ACY3: variants seen among roughly 807,000 people sequenced by gnomAD.
ACY3 encodes aminoacylase 3.
A neutral mutation model predicts 24.6 loss-of-function variants in ACY3; 20 were observed. The observed-to-expected ratio is 0.81, with a 90% CI of 0.57 to 1.18. ACY3 has a LOEUF of 1.18. ACY3 is among the 50% of genes most tolerant of loss of function. The pLI is 0.00. For synonymous variants in ACY3, 174 were observed against 188.4 expected, an observed-to-expected ratio of 0.92 and a Z score of 0.62; for missense variants, 423 against 426.8, an observed-to-expected ratio of 0.99 and a Z score of 0.08.
chr11:67,645,326 C>G lies in ACY3; in HGVS notation c.487G>C (p.Glu163Gln), dbSNP rs1232681803. 6.2e-7 allele frequency: 1 copy of G among 1,613,750 alleles called. No individual in the cohort carries two copies. Among genetic ancestry groups the G allele is most frequent in the Admixed American group, 1.7e-5 (1 of 60,018 alleles). ...GCCACAGAGTCCAGGTTGTAGCTCT[C>G]CTCCCCAGACCGCTGGTACAGGAAG... ...QVFLYQRSGEESYNLDSVAKN... is the reference protein window; with the variant it reads ...QVFLYQRSGEQSYNLDSVAKN... The change falls in exon 5 of 8, where the codon GAG (glutamate) becomes CAG (glutamine). Residue 163 changes from glutamate to glutamine, a missense_variant. Glu to Gln is a conservative substitution (Grantham distance 29). Transcript: ENST00000255082.
At chr11:67,650,346 A>AG (rs1272931640) in intron 1 of ACY3, among the ~76,000 whole-genome samples, 4 of 152,166 alleles carry the variant, frequency 2.6e-5, no homozygotes, top group African/African-American at 9.7e-5. Flanking sequence ...CCCAGCCCTC[A>AG]GCTCGGGGAG....
chr11:67,644,949 C>A (rs529057251), intron 6 of ACY3, 80 bp from the exon 7 acceptor site: 17 of 1,586,412 alleles, frequency 1.1e-5, no homozygotes, highest in Non-Finnish European at 1.5e-5. Flanking sequence ...TACGTCAGGG[C>A]TAGATCCCAG....
At chr11:67,649,499 G>A (rs1009642296) in intron 1 of ACY3, among the ~76,000 whole-genome samples, 35 of 152,232 alleles carry the variant, frequency 2.3e-4, no homozygotes, top group African/African-American at 8.0e-4. Flanking sequence ...GGAACCCTCA[G>A]AAACAGCAGC....
rs138913108 is a variant in ACY3 at position 67,645,106 on chromosome 11, A to T, written c.573T>A (p.Ile191=). 3.2e-5 allele frequency: 52 copies of T among 1,613,642 alleles called. No homozygotes were observed. The African/African-American group carries it at 6.5e-4, about 20-fold the overall frequency. ...CCACCAGGGTCCTCATCCTTGAGAA[A>T]ATGTCAGCCCGCAGCACACCCTGTG... ...PQPQGVLRAD[I]FSRMRTLVAT... Residue 191 remains isoleucine, a synonymous_variant, in exon 6 of 8, where the codon ATT becomes ATA. Transcript: ENST00000255082.
Position 67,645,358 on chromosome 11 carries a change from C to G in ACY3, c.455G>C (p.Cys152Ser), listed in dbSNP as rs370834010. ...HLQLQYPELS[C>S]QVFLYQRSGE... ...AGACCGCTGGTACAGGAAGACCTGGCAGGACAGCTCGGGGTACTGCAGCTG... is the reference window on the plus strand; with the variant it reads ...AGACCGCTGGTACAGGAAGACCTGGGAGGACAGCTCGGGGTACTGCAGCTG... The change falls in exon 5 of 8, where the codon TGC (cysteine) becomes TCC (serine). Residue 152 changes from cysteine to serine, a missense_variant. Coordinates refer to ENST00000255082, the MANE Select transcript of ACY3 (RefSeq NM_080658.2). The G allele has an allele frequency of 1.1e-4, 170 of 1,613,452 alleles. No individual in the cohort carries two copies. Among genetic ancestry groups the G allele is most frequent in the Non-Finnish European group, 1.4e-4 (167 of 1,179,982 alleles).
chr11:67,645,337 C>G lies in ACY3; in HGVS notation c.476G>C (p.Arg159Pro), dbSNP rs771683337. ...CAGGTTGTAGCTCTCCTCCCCAGAC[C>G]GCTGGTACAGGAAGACCTGGCAGGA... The part of the protein sequence containing the change: ...ELSCQVFLYQ[R>P]SGEESYNLDS... Residue 159 changes from arginine to proline, a missense_variant, in exon 5 of 8, where the codon CGG becomes CCG. Arg to Pro is a moderately radical substitution (Grantham distance 103). Coordinates refer to ENST00000255082, the MANE Select transcript of ACY3 (RefSeq NM_080658.2). 3 of 1,613,760 alleles carry G rather than the reference C, an allele frequency of 1.9e-6. No homozygotes were observed. The highest frequency in any genetic ancestry group is 2.5e-6 in the Non-Finnish European group (3 of 1,180,012).
At position 67,645,770 on chromosome 11, in the gene ACY3, G is replaced by C; in HGVS notation, c.354C>G (p.Thr118=). 1 of 1,614,000 alleles carries C rather than the reference G, an allele frequency of 6.2e-7. No homozygotes were observed. Among genetic ancestry groups the C allele is most frequent in the East Asian group, 2.2e-5 (1 of 44,876 alleles). ...AFDFVLDLHN[T]TANMGTCLIA... ...TTAAGCAGGTGCCCATGTTGGCCGTGGTGTTGTGCAGGTCAAGGACAAAGT... is the reference window on the plus strand; with the variant it reads ...TTAAGCAGGTGCCCATGTTGGCCGTCGTGTTGTGCAGGTCAAGGACAAAGT... The change falls in exon 4 of 8, where the codon ACC becomes ACG. Residue 118 remains threonine, a synonymous_variant. Coordinates refer to ENST00000255082, the MANE Select transcript of ACY3 (RefSeq NM_080658.2).
rs973763140 is a variant in ACY3, at chr11:67,647,046, T to C, written c.-3A>G. ...CGGGGCACAGGCAGTGAGCACATGC[T>C]GGTGTGGGGTGCAGAACCTGGGGGT... On this transcript the variant is annotated 5_prime_UTR_variant, in exon 3 of 8. Coordinates refer to ENST00000255082, the MANE Select transcript of ACY3 (RefSeq NM_080658.2). The C allele has an allele frequency of 1.3e-6, 2 of 1,517,338 alleles. No homozygotes were observed. The highest frequency in any genetic ancestry group is 8.8e-7 in the Non-Finnish European group (1 of 1,130,422). The allele number at this position is 1,517,338 out of a possible 1,614,324, so 94.0% of individuals were successfully genotyped here. A position where few individuals can be genotyped will look rare whatever the true frequency, so the allele number is the denominator to read the frequency against.
At chr11:67,645,926 CTCAG>C (rs766165794) in intron 3 of ACY3, 39 bp from the exon 4 acceptor site, 167 of 1,543,894 alleles carry the variant, frequency 1.1e-4, no homozygotes, top group Admixed American at 2.2e-4. Flanking sequence ...TCTTCACAGT[CTCAG>C]TCAGTCTTCA....
At chr11:67,644,721 A>G in intron 7 of ACY3, 39 bp downstream of exon 7, 6 of 1,467,868 alleles carry the variant, frequency 4.1e-6, no homozygotes, top group Non-Finnish European at 5.4e-6. Flanking sequence ...GGCCCCAGAA[A>G]TCACCCCCCA....
At chr11:67,647,221 C>G (rs1025732927) in intron 2 of ACY3, among the ~76,000 whole-genome samples, 158 bp from the exon 3 acceptor site, 9 of 152,220 alleles carry the variant, frequency 5.9e-5, no homozygotes, top group African/African-American at 2.2e-4. Context: ...CCCAGTGGCC[C>G]TTTCTCTGAG....
chr11:67,642,744 C>T lies in ACY3; in HGVS notation c.940G>A (p.Ala314Thr), dbSNP rs550546154. ...TTGGGTTAGGAAGCTGGGCTCGGGG[C>T]AGGGGTCAGCGCGGGCATGGCAGGC... is the stretch of plus-strand genomic sequence containing the variant. Reference protein sequence around the residue: ...TVPAMPALTPAPSPAS With the variant: ...TVPAMPALTPTPSPAS Residue 314 changes from alanine (A) to threonine (T), a missense_variant, in exon 8 of 8, where the codon GCC becomes ACC. By Grantham distance (58) the Ala-to-Thr change is moderately conservative (BLOSUM62 0). Transcript: ENST00000255082. 9.9e-6 allele frequency: 16 copies of T among 1,614,106 alleles called. No homozygotes were observed. In the African/African-American group the frequency reaches 2.0e-4, roughly 20 times the overall value.
chr11:67,645,235 C>A, intron 5 of ACY3, 52 bp downstream of exon 5: 1 of 1,608,656 alleles, frequency 6.2e-7, no homozygotes, highest in South Asian at 1.1e-5. Context: ...TGACTGGACC[C>A]GCCCCTCCAG....
chr11:67,646,441 C>T (rs1855518090), intron 3 of ACY3, among the ~76,000 whole-genome samples: 1 of 152,220 alleles, frequency 6.6e-6, no homozygotes, highest in South Asian at 2.1e-4. Flanking sequence ...ATTCTCTCAC[C>T]TGAGCTGGCC....
intron 7 of ACY3, among the ~76,000 whole-genome samples, chr11:67,644,028 A>G (rs1197148358): frequency 1.3e-5 from 2 of 152,136 alleles, no homozygotes; most frequent in Non-Finnish European, 2.9e-5. Context: ...ATAAATTTTA[A>G]AATTGTAGGA....
At position 67,645,834 on chromosome 11, in the gene ACY3, T is replaced by A. The variant is rs775630108; in HGVS notation, c.290A>T (p.Asn97Ile). 1 of 1,613,576 alleles carries A rather than the reference T, an allele frequency of 6.2e-7. No homozygotes were observed. The highest frequency in any genetic ancestry group is 1.1e-5 in the South Asian group (1 of 91,070). ...PYEVTRAREL[N>I]QLLGPKASGQ... The stretch of plus-strand genomic sequence containing the variant: ...CGAGGCCTTGGGCCCCAGCAGCTGG[T>A]TCAGCTCTCGGGCTCTTGTCACCTC... Residue 97 changes from asparagine (N) to isoleucine (I), a missense_variant, in exon 4 of 8, where the codon AAC becomes ATC. Physicochemically the swap from Asn to Ile is moderately radical, Grantham distance 149 (BLOSUM62 -3). Coordinates refer to ENST00000255082, the MANE Select transcript of ACY3 (RefSeq NM_080658.2).
At chr11:67,646,785 A>G in intron 3 of ACY3, 23 bp downstream of exon 3, 2 of 1,608,322 alleles carry the variant, frequency 1.2e-6, no homozygotes, top group Non-Finnish European at 1.7e-6. Context: ...TGCCTGGGCC[A>G]ACCTGGCGGC....
At chr11:67,646,455 G>A (rs770894699) in intron 3 of ACY3, among the ~76,000 whole-genome samples, 4 of 152,236 alleles carry the variant, frequency 2.6e-5, no homozygotes, top group Non-Finnish European at 4.4e-5. Context: ...GCTGGCCAGA[G>A]CCTGGCCTGG....
In ACY3 at chr11:67,645,344, A is replaced by G. The variant is rs1855493341; in HGVS notation, c.469T>C (p.Tyr157His). Residue 157 changes from tyrosine (Y) to histidine (H), a missense_variant, in exon 5 of 8, where the codon TAC (tyrosine) becomes CAC (histidine). Transcript: ENST00000255082. Reference protein sequence around the residue: ...YPELSCQVFLYQRSGEESYNL... With the variant: ...YPELSCQVFLHQRSGEESYNL... The stretch of plus-strand genomic sequence containing the variant: ...TAGCTCTCCTCCCCAGACCGCTGGT[A>G]CAGGAAGACCTGGCAGGACAGCTCG... 1.9e-6 allele frequency: 3 copies of G among 1,613,686 alleles called. No homozygotes were observed. The highest frequency in any genetic ancestry group is 2.5e-6 in the Non-Finnish European group (3 of 1,179,990).
Sources: allele counts gnomAD v4.1 joint callset (sites outside exome capture counted in the v4.1 genomes callset), GRCh38; gene constraint gnomAD v4.1.1; transcripts MANE v1.5; gene names NCBI Gene and HGNC (gene_info 2026-07-23, HGNC 2026-07-21).